The following SEC23IP variants were observed in gnomAD, a reference collection of about 807,000 sequenced individuals.
SEC23IP encodes the protein SEC23 interacting protein, also known as SEC23-interacting protein.
A neutral mutation model predicts 113.4 loss-of-function variants in SEC23IP; 70 were observed. That is an observed-to-expected ratio of 0.62 (90% CI 0.51 to 0.75). The LOEUF (loss-of-function observed/expected upper bound fraction) is 0.75. Among genes scored for constraint, SEC23IP ranks in the 30% least tolerant of loss-of-function variants. The pLI is 0.00. For missense variants in SEC23IP, 1,160 were observed against 1,204.9 expected (o/e 0.96, Z 0.55); for synonymous variants, 398 against 421.0 (o/e 0.95, Z 0.67).
At chr10:119,911,846 A>G (rs1258111151) in intron 5 of SEC23IP, among the ~76,000 whole-genome samples, 198 bp from the exon 6 acceptor site, 1 of 152,158 alleles carries the variant, frequency 6.6e-6, no homozygotes, top group Non-Finnish European at 1.5e-5. Flanking sequence ...TAAGCATTGG[A>G]AAGGTATCGA....
Position 119,942,221 on chromosome 10 carries a change from A to C in SEC23IP, c.*1656A>C. 6.6e-6 allele frequency: 1 copy of C among 152,188 alleles called. No individual in the cohort carries two copies. The highest frequency in any genetic ancestry group is 3.2e-3 in the Middle Eastern group (1 of 316). 9.4% of individuals were successfully genotyped at this position (152,188 alleles called of 1,614,324 possible). On this transcript the variant is annotated 3_prime_UTR_variant, in exon 19 of 19. Coordinates refer to ENST00000369075, the MANE Select transcript of SEC23IP (RefSeq NM_007190.4). The stretch of plus-strand genomic sequence containing the variant: ...GAGAAGGACCAGGGTTCGTAGAAGA[A>C]GCATGTGGCAGCTGAGTGGCAGCAG...
intron 15 of SEC23IP, among the ~76,000 whole-genome samples, chr10:119,931,771 C>G (rs966426526): frequency 1.1e-4 from 16 of 151,972 alleles, no homozygotes; most frequent in African/African-American, 3.9e-4. Flanking sequence ...CCAGGATGGT[C>G]TCGATCTCCT....
chr10:119,940,187 AT>A (rs11289281), intron 18 of SEC23IP, among the ~76,000 whole-genome samples: 20,926 of 127,956 alleles, frequency 0.16, 1,500 homozygotes, highest in South Asian at 0.42. Context: ...TGGATTGTCC[AT>A]TTTTTTTTTT....
chr10:119,938,746 G>A (rs1855873890), intron 18 of SEC23IP, among the ~76,000 whole-genome samples: 1 of 152,098 alleles, frequency 6.6e-6, no homozygotes, highest in African/African-American at 2.4e-5. Flanking sequence ...GTAATTCTAG[G>A]ATTTTGCCAT....
chr10:119,935,471 GAC>G (rs965990282), intron 18 of SEC23IP, among the ~76,000 whole-genome samples: 4 of 151,766 alleles, frequency 2.6e-5, no homozygotes, highest in Non-Finnish European at 5.9e-5. Flanking sequence ...AAAAAAAAAA[GAC>G]AAATGATAGC....
intron 18 of SEC23IP, among the ~76,000 whole-genome samples, chr10:119,937,219 G>T (rs1348019561): frequency 6.6e-6 from 1 of 152,088 alleles, no homozygotes; most frequent in Non-Finnish European, 1.5e-5. Flanking sequence ...GATACTTAAG[G>T]ATATTAACCT....
rs560868103 is a variant in SEC23IP at position 119,915,722 on chromosome 10, T to TTC, written c.1403-22_1403-21dup. ...TCAAGCTAGGAGAATTTAATTTATT[T>TTC]TCTCTTTTTTTTTTTTCTTTTGAAG... On this transcript the variant is annotated intron_variant, in intron 7 of 18. Transcript: ENST00000369075. 3.9e-4 allele frequency: 572 copies of TTC among 1,477,338 alleles called. 6 individuals are homozygous for TTC. In the South Asian group the frequency reaches 7.8e-3, roughly 20 times the overall value. The allele number at this position is 1,477,338 out of a possible 1,614,324, so 91.5% of individuals were successfully genotyped here. A position where few individuals can be genotyped will look rare whatever the true frequency, so the allele number is the denominator to read the frequency against.
chr10:119,917,328 T>C (rs763153999), intron 8 of SEC23IP, among the ~76,000 whole-genome samples: 14 of 152,012 alleles, frequency 9.2e-5, no homozygotes, highest in Non-Finnish European at 1.8e-4. Flanking sequence ...ACCTCCCAAA[T>C]AGCTGGGTGT....
rs1855031686 is a variant in SEC23IP, at chr10:119,915,792, T to A, written c.1447T>A (p.Phe483Ile). The change falls in exon 8 of 19, where the codon TTC becomes ATC. Residue 483 changes from phenylalanine (F) to isoleucine (I), a missense_variant. Physicochemically the swap from Phe to Ile is conservative, Grantham distance 21 (BLOSUM62 0). Transcript: ENST00000369075. ...VVSLKLLRTHFKKSLDDGKVS... is the reference protein window; with the variant it reads ...VVSLKLLRTHIKKSLDDGKVS... ...TTCTCTCAAATTGCTGCGGACACAT[T>A]TCAAGAAATCTTTAGATGACGGGAA... The A allele has an allele frequency of 1.9e-6, 3 of 1,604,028 alleles. No homozygotes were observed. The highest frequency in any genetic ancestry group is 2.6e-6 in the Non-Finnish European group (3 of 1,174,678).
In SEC23IP at chr10:119,919,724, T is replaced by C. The variant is rs1292328204; in HGVS notation, c.2025+128T>C. 6 of 730,476 alleles carry C rather than the reference T, an allele frequency of 8.2e-6. No individual in the cohort carries two copies. The African/African-American group carries it at 9.2e-5, about 11-fold the overall frequency. The allele number at this position is 730,476 out of a possible 1,614,324, so 45.2% of individuals were successfully genotyped here. A position where few individuals can be genotyped will look rare whatever the true frequency, so the allele number is the denominator to read the frequency against. On this transcript the variant is annotated intron_variant, in intron 11 of 18. Coordinates refer to ENST00000369075, the MANE Select transcript of SEC23IP (RefSeq NM_007190.4). ...CAAAGACTGAAATGTTTTAAAAAAT[T>C]GAAAAACACAGAAGAATATTTTTTT...
At chr10:119,908,856 G>A (rs544604132) in intron 4 of SEC23IP, among the ~76,000 whole-genome samples, 185 bp from the exon 5 acceptor site, 2 of 152,264 alleles carry the variant, frequency 1.3e-5, no homozygotes, top group South Asian at 2.1e-4. Flanking sequence ...TTACTTAGGC[G>A]TGATTGAGAG....
At chr10:119,917,269 G>T (rs1196587115) in intron 8 of SEC23IP, among the ~76,000 whole-genome samples, 1 of 151,810 alleles carries the variant, frequency 6.6e-6, no homozygotes, top group Non-Finnish European at 1.5e-5. Context: ...GCACAATCTC[G>T]GCTCACTGCA....
At chr10:119,909,462 T>C (rs1037547212) in intron 5 of SEC23IP, among the ~76,000 whole-genome samples, 3 of 152,154 alleles carry the variant, frequency 2.0e-5, no homozygotes, top group African/African-American at 7.2e-5. Flanking sequence ...GGCACATGCC[T>C]GTAGTCCCAG....
In SEC23IP at chr10:119,892,842, T is replaced by A. The variant is rs1854136882; in HGVS notation, c.60T>A (p.Thr20=). The change falls in exon 1 of 19, where the codon ACT becomes ACA. Residue 20 remains threonine (T), a synonymous_variant. Transcript: ENST00000369075. ...GCGCCTCCACTTCCTCATCGGGCAC[T>A]AACTTACTTTTCTCCTCCTCGGCCA... The part of the protein sequence containing the change: ...SGGASTSSSG[T]NLLFSSSATE... 6.2e-7 allele frequency: 1 copy of A among 1,614,006 alleles called. No homozygotes were observed. Among genetic ancestry groups the A allele is most frequent in the Admixed American group, 1.7e-5 (1 of 60,002 alleles).
intron 4 of SEC23IP, among the ~76,000 whole-genome samples, chr10:119,908,453 G>A (rs946606515): frequency 2.0e-5 from 3 of 152,138 alleles, no homozygotes; most frequent in African/African-American, 7.2e-5. Flanking sequence ...TTGGAAATAG[G>A]GTCATTGCAG....
In SEC23IP at chr10:119,944,619, G is replaced by A. The variant is rs922854486; in HGVS notation, c.*4054G>A. 3.3e-5 allele frequency: 5 copies of A among 152,322 alleles called. No individual in the cohort carries two copies. Among genetic ancestry groups the A allele is most frequent in the Non-Finnish European group, 5.9e-5 (4 of 68,032 alleles). 9.4% of individuals were successfully genotyped at this position (152,322 alleles called of 1,614,324 possible). On this transcript the variant is annotated 3_prime_UTR_variant, in exon 19 of 19. Coordinates refer to ENST00000369075, the MANE Select transcript of SEC23IP (RefSeq NM_007190.4). The stretch of plus-strand genomic sequence containing the variant: ...AATGCAGAGAGAGAGCTATGTGAAT[G>A]TGTTGAGTGTGATTTTCATTAAACA...
chr10:119,918,788 T>C (rs1173673642), intron 10 of SEC23IP, among the ~76,000 whole-genome samples: 1 of 152,132 alleles, frequency 6.6e-6, no homozygotes, highest in Admixed American at 6.6e-5. Context: ...AGCTTCCGTG[T>C]CCAGCCCTGA....
At chr10:119,935,237 G>A (rs2420649) in intron 18 of SEC23IP, among the ~76,000 whole-genome samples, 8,330 of 152,254 alleles carry the variant, frequency 0.055, 431 homozygotes, top group South Asian at 0.27. Context: ...GAGGCAGGTG[G>A]ATTACTTGAG....
intron 15 of SEC23IP, among the ~76,000 whole-genome samples, chr10:119,930,669 G>A (rs1009468333): frequency 6.6e-5 from 10 of 152,134 alleles, no homozygotes; most frequent in Non-Finnish European, 1.3e-4. Flanking sequence ...TTGGTAATAA[G>A]GCAATAAGAT....
Sources: gnomAD v4.1 joint callset for allele counts (sites outside exome capture counted in the v4.1 genomes callset) on GRCh38, gnomAD v4.1.1 for gene constraint, MANE v1.5 for transcripts, NCBI Gene and HGNC (gene_info 2026-07-23, HGNC 2026-07-21) for gene names.